Variants in MELK observed in about 807,000 individuals in gnomAD.
The protein encoded by MELK is pEg3 kinase.
MELK carries 81 observed loss-of-function variants against 85.0 expected under a neutral mutation model. That is an observed-to-expected ratio of 0.95 (90% CI 0.80 to 1.15). MELK has a LOEUF of 1.15. MELK is among the 50% of genes most tolerant of loss of function. The probability of loss-of-function intolerance (pLI) is 0.00; values close to 1 mark genes in which losing one functional copy is unlikely to be tolerated. For synonymous variants in MELK, 252 were observed against 265.0 expected (o/e 0.95, Z 0.48); for missense variants, 754 against 777.5 (o/e 0.97, Z 0.36).
At position 36,640,725 on chromosome 9, in the gene MELK, C is replaced by T. The variant is rs545092335; in HGVS notation, c.835-2272C>T. On this transcript the variant is annotated intron_variant, in intron 10 of 17. Transcript: ENST00000298048. Reference sequence around the variant, plus strand: ...TTAGCTTCCCAAAGCCCTGGGATTACAGGCATGAGCCATTGTACTTTGGCC... The same window carrying T: ...TTAGCTTCCCAAAGCCCTGGGATTATAGGCATGAGCCATTGTACTTTGGCC... Among the ~76,000 whole-genome samples, 5 of 152,354 alleles carry T rather than the reference C, an allele frequency of 3.3e-5. No individual in the cohort carries two copies. The East Asian group carries it at 7.7e-4, about 23-fold the overall frequency.
At chr9:36,624,966 TA>T (rs1827795987) in intron 8 of MELK, among the ~76,000 whole-genome samples, 1 of 152,154 alleles carries the variant, frequency 6.6e-6, no homozygotes, top group Admixed American at 6.6e-5. Context: ...GTGAAGCAGC[TA>T]AACCCTCATA....
chr9:36,612,530 C>T (rs1212553064), intron 8 of MELK, among the ~76,000 whole-genome samples: 1 of 152,138 alleles, frequency 6.6e-6, no homozygotes, highest in African/African-American at 2.4e-5. Flanking sequence ...GGATTACAGG[C>T]GAGTGCCACC....
intron 15 of MELK, 46 bp downstream of exon 15, chr9:36,669,452 C>G: frequency 7.4e-7 from 1 of 1,355,794 alleles, no homozygotes; most frequent in Non-Finnish European, 1.0e-6. Context: ...TATATGTAAC[C>G]AGATTTCCTT....
chr9:36,623,380 A>G (rs1044030719), intron 8 of MELK, among the ~76,000 whole-genome samples: 5 of 152,232 alleles, frequency 3.3e-5, no homozygotes, highest in African/African-American at 1.2e-4. Flanking sequence ...ACGGTGTACA[A>G]ATAAGAGATT....
At chr9:36,600,414 C>T (rs1370479939) in intron 7 of MELK, among the ~76,000 whole-genome samples, 1 of 152,074 alleles carries the variant, frequency 6.6e-6, no homozygotes, top group Non-Finnish European at 1.5e-5. Flanking sequence ...GATGGAGTCT[C>T]ACTCTGTTGC....
Position 36,580,405 on chromosome 9 carries a change from C to T in MELK, c.-38-1239C>T, listed in dbSNP as rs182539464. On this transcript the variant is annotated intron_variant, in intron 1 of 17. Transcript: ENST00000298048. ...CACAATCTCAGCTTACTGCAACCTC[C>T]GCCTCCCAGGTTCAAGTGATTCTCC... Among the ~76,000 whole-genome samples, 762 of 152,064 alleles carry T rather than the reference C, an allele frequency of 5.0e-3. 3 individuals are homozygous for T. The highest frequency in any genetic ancestry group is 5.9e-3 in the Non-Finnish European group (402 of 67,998).
At chr9:36,573,137 C>G (rs763110602) in intron 1 of MELK, 130 bp downstream of exon 1, 8 of 152,340 alleles carry the variant, frequency 5.3e-5, no homozygotes, top group Non-Finnish European at 8.8e-5. Flanking sequence ...GAGCCCCGCG[C>G]TTTACCAGCC....
At chr9:36,620,281 C>T (rs1157036465) in intron 8 of MELK, among the ~76,000 whole-genome samples, 1 of 152,200 alleles carries the variant, frequency 6.6e-6, no homozygotes. Context: ...TGGGAAATTT[C>T]CCAGACATCC....
intron 8 of MELK, among the ~76,000 whole-genome samples, chr9:36,626,883 C>T (rs759128860): frequency 3.3e-5 from 5 of 150,918 alleles, no homozygotes; most frequent in South Asian, 2.1e-4. Context: ...TGCTTGAACC[C>T]GGGAGGCAGA....
intron 7 of MELK, among the ~76,000 whole-genome samples, chr9:36,602,102 G>A (rs566949647): frequency 6.6e-6 from 1 of 152,174 alleles, no homozygotes; most frequent in South Asian, 2.1e-4. Context: ...CGGAGTTGCT[G>A]GATCATATTG....
At chr9:36,616,442 T>G (rs1826810534) in intron 8 of MELK, among the ~76,000 whole-genome samples, 1 of 148,568 alleles carries the variant, frequency 6.7e-6, no homozygotes, top group Non-Finnish European at 1.5e-5. Context: ...CAGGCTGGAG[T>G]GCAGTAGTGT....
rs116248565 is a variant in MELK at position 36,605,655 on chromosome 9, A to C, written c.568-1920A>C. Among the ~76,000 whole-genome samples, 959 of 151,938 alleles carry C rather than the reference A, an allele frequency of 6.3e-3. 13 individuals are homozygous for C. The highest frequency in any genetic ancestry group is 0.022 in the African/African-American group (913 of 41,444). On this transcript the variant is annotated intron_variant, in intron 7 of 17. Transcript: ENST00000298048. ...GTAATCAAGTGTTTGCTTCAAAGCA[A>C]ATTGTTCACTTGAGACGTCATAGTA...
intron 12 of MELK, among the ~76,000 whole-genome samples, chr9:36,655,674 A>G (rs929620739): frequency 6.6e-6 from 1 of 152,238 alleles, no homozygotes; most frequent in Admixed American, 6.5e-5. Context: ...TATGTGTGCT[A>G]TTAGTCCCTA....
intron 7 of MELK, among the ~76,000 whole-genome samples, chr9:36,604,171 G>C (rs1044260209): frequency 6.7e-6 from 1 of 149,574 alleles, no homozygotes; most frequent in African/African-American, 2.5e-5. Flanking sequence ...GTTTCTCCAT[G>C]TTGGTCAGGC....
At chr9:36,647,938 C>CT (rs1830372869) in intron 11 of MELK, among the ~76,000 whole-genome samples, 1 of 152,064 alleles carries the variant, frequency 6.6e-6, no homozygotes, top group Non-Finnish European at 1.5e-5. Flanking sequence ...TCGTGGCCAT[C>CT]TAAGTTATTA....
rs1426295174 is a variant in MELK, at chr9:36,671,009, T to A, written c.1517T>A (p.Val506Glu). 3 of 1,608,914 alleles carry A rather than the reference T, an allele frequency of 1.9e-6. No homozygotes were observed. Among genetic ancestry groups the A allele is most frequent in the Non-Finnish European group, 2.5e-6 (3 of 1,178,152 alleles). ...ATGTTTTGTTTCAGGTGCCGCTCAG[T>A]GGAATTGGATCTCAACCAAGCACAT... The part of the protein sequence containing the change: ...VISPERRCRS[V>E]ELDLNQAHME... Residue 506 changes from valine to glutamate, a missense_variant, in exon 16 of 18, where the codon GTG becomes GAG. Coordinates refer to ENST00000298048, the MANE Select transcript of MELK (RefSeq NM_014791.4).
chr9:36,602,273 AT>A (rs1242092197), intron 7 of MELK, among the ~76,000 whole-genome samples: 1 of 151,978 alleles, frequency 6.6e-6, no homozygotes, highest in Non-Finnish European at 1.5e-5. Flanking sequence ...TGGGCGGATC[AT>A]GAGGTTAGGA....
chr9:36,577,151 G>A (rs1821741232), intron 1 of MELK, among the ~76,000 whole-genome samples: 1 of 152,236 alleles, frequency 6.6e-6, no homozygotes, highest in Middle Eastern at 3.4e-3. Context: ...CTGGATAAGG[G>A]CAGGGTGAAG....
chr9:36,649,983 G>A (rs1400012602), intron 11 of MELK, among the ~76,000 whole-genome samples: 2 of 151,144 alleles, frequency 1.3e-5, no homozygotes, highest in Non-Finnish European at 2.9e-5. Context: ...TCGCTCTGTC[G>A]CCCAGGCTGG....
Sources: allele counts gnomAD v4.1 joint callset (sites outside exome capture counted in the v4.1 genomes callset), GRCh38; gene constraint gnomAD v4.1.1; transcripts MANE v1.5; gene names NCBI Gene and HGNC (gene_info 2026-07-23, HGNC 2026-07-21).